Variants in ESD observed in about 807,000 individuals in gnomAD.
ESD encodes esterase D.
A neutral mutation model predicts 38.1 loss-of-function variants in ESD; 34 were observed. That is an observed-to-expected ratio of 0.89 (90% confidence interval 0.68 to 1.19). ESD has a LOEUF of 1.19. Ranked by LOEUF, ESD falls within the 50% of genes most tolerant of loss-of-function variation. ESD has a pLI of 0.00. For synonymous variants in ESD, 97 were observed against 107.0 expected, an observed-to-expected ratio of 0.91 and a Z score of 0.58; for missense variants, 334 against 327.2, an observed-to-expected ratio of 1.02 and a Z score of -0.16.
intron 9 of ESD, chr13:46,775,704 G>A (rs1165354770): frequency 2.1e-6 from 1 of 468,306 alleles, no homozygotes; most frequent in Non-Finnish European, 4.4e-6. Context: ...TGGAAGTAAA[G>A]TGAATAGAAA....
rs755106554 is a variant in ESD, at chr13:46,777,506, T to G, written c.718A>C (p.Ile240Leu). 1 of 1,611,262 alleles carries G rather than the reference T, an allele frequency of 6.2e-7. No individual in the cohort carries two copies. Among genetic ancestry groups the G allele is most frequent in the South Asian group, 1.1e-5 (1 of 90,772 alleles). ...ATTTTCTTTTCTGTACAGGCAGCTA[T>G]GAAGTTATCAGGGAGTAACTGTCCA... is the stretch of plus-strand genomic sequence containing the variant. ...LDGQLLPDNF[I>L]AACTEKKIPV... The change falls in exon 9 of 10, where the codon ATA (isoleucine) becomes CTA (leucine). Residue 240 changes from isoleucine to leucine, a missense_variant. By Grantham distance (5) the Ile-to-Leu change is conservative. Transcript: ENST00000378720.
intron 7 of ESD, 122 bp from the exon 8 acceptor site, chr13:46,780,155 C>T: frequency 1.7e-6 from 1 of 583,784 alleles, no homozygotes; most frequent in Non-Finnish European, 2.8e-6. Context: ...TTCTGACTTG[C>T]CATGAAAACC....
chr13:46,781,415 T>G (rs947221513), intron 7 of ESD, 81 bp downstream of exon 7: 1 of 1,316,776 alleles, frequency 7.6e-7, no homozygotes, highest in African/African-American at 1.5e-5. Context: ...ACTAACAATA[T>G]TGTAATTTTA....
At chr13:46,792,810 G>C (rs935101986) in intron 2 of ESD, among the ~76,000 whole-genome samples, 12 of 152,026 alleles carry the variant, frequency 7.9e-5, no homozygotes, top group African/African-American at 2.6e-4. Flanking sequence ...TGAACTTATA[G>C]AGAGAGATAC....
Position 46,784,295 on chromosome 13 carries a change from A to G in ESD, c.213T>C (p.Ala71=). Residue 71 remains alanine, a synonymous_variant, in exon 5 of 10, where the codon GCT becomes GCC. Coordinates refer to ENST00000378720, the MANE Select transcript of ESD (RefSeq NM_001984.2). ...CAATGACAACAAGACCATGTTCTGA[A>G]GCAGACTGATGATAACCAGATTTTG... ...FISKSGYHQS[A]SEHGLVVIAP... 6.2e-7 allele frequency: 1 copy of G among 1,611,964 alleles called. No individual in the cohort carries two copies. Among genetic ancestry groups the G allele is most frequent in the Non-Finnish European group, 8.5e-7 (1 of 1,178,908 alleles).
At position 46,771,438 on chromosome 13, in the gene ESD, T is replaced by C; in HGVS notation, c.827A>G (p.His276Arg). 1 of 1,606,032 alleles carries C rather than the reference T, an allele frequency of 6.2e-7. No individual in the cohort carries two copies. Among genetic ancestry groups the C allele is most frequent in the Non-Finnish European group, 8.5e-7 (1 of 1,174,144 alleles). The change falls in exon 10 of 10, where the codon CAT becomes CGT. Residue 276 changes from histidine (H) to arginine (R), a missense_variant. Transcript: ENST00000378720. ...TTTTCATGCATTCAGGTATTTAGCA[T>C]GATGTCTGATGTGGTCAGTAATAAA... ...ATFITDHIRHHAKYLNA is the reference protein window; with the variant it reads ...ATFITDHIRHRAKYLNA
chr13:46,797,273 G>T (rs1341749), upstream of ESD: 69,798 of 152,460 alleles, frequency 0.46, 16,270 homozygotes, highest in Middle Eastern at 0.49. Context: ...AGTCTCCATG[G>T]CCCCGCCGCC....
Position 46,783,515 on chromosome 13 carries a change from C to T in ESD, c.257-724G>A, listed in dbSNP as rs9590992. Reference sequence around the variant, plus strand: ...GCATTTTCCCATTTATTAAAGTCTTCGTTTATGATAACAAAATTTTAGTTT... The same window carrying T: ...GCATTTTCCCATTTATTAAAGTCTTTGTTTATGATAACAAAATTTTAGTTT... On this transcript the variant is annotated intron_variant, in intron 5 of 9. Coordinates refer to ENST00000378720, the MANE Select transcript of ESD (RefSeq NM_001984.2). Among the ~76,000 whole-genome samples the T allele has an allele frequency of 6.1e-3, 914 of 151,054 alleles. 9 individuals are homozygous for T. The highest frequency in any genetic ancestry group is 0.021 in the African/African-American group (880 of 41,046).
intron 8 of ESD, among the ~76,000 whole-genome samples, chr13:46,778,760 A>AAGG (rs1206882043): frequency 1.3e-5 from 2 of 151,816 alleles, no homozygotes; most frequent in Non-Finnish European, 2.9e-5. Context: ...CAAAGGACCT[A>AAGG]ATCCTAAATC....
In ESD at chr13:46,777,625, T is replaced by A. The variant is rs369240543; in HGVS notation, c.601-2A>T. The A allele has an allele frequency of 7.7e-5, 122 of 1,591,528 alleles. 2 individuals are homozygous for A. The South Asian group carries it at 9.0e-4, about 12-fold the overall frequency. ...CACAAGGTGGGTAGCATCATAAGCC[T>A]GTAAAAAGAGAAGTAACATTGAAAA... is the stretch of plus-strand genomic sequence containing the variant. On this transcript the variant is annotated splice_acceptor_variant, in intron 8 of 9. Coordinates refer to ENST00000378720, the MANE Select transcript of ESD (RefSeq NM_001984.2). LOFTEE classifies it high-confidence loss of function.
Position 46,782,342 on chromosome 13 carries a change from T to C in ESD, c.381+325A>G, listed in dbSNP as rs1875032682. 2.0e-5 allele frequency among the ~76,000 whole-genome samples: 3 copies of C among 151,896 alleles called. No individual in the cohort carries two copies. In the South Asian group the frequency reaches 6.2e-4, roughly 31 times the overall value. On this transcript the variant is annotated intron_variant, in intron 6 of 9. Coordinates refer to ENST00000378720, the MANE Select transcript of ESD (RefSeq NM_001984.2). Reference sequence around the variant, plus strand: ...AATAGAGGTAATGCTTTACCACTTATGTTTTCTAACTAAGCCTTGGCTTAT... The same window carrying C: ...AATAGAGGTAATGCTTTACCACTTACGTTTTCTAACTAAGCCTTGGCTTAT...
At chr13:46,783,255 T>G (rs994640859) in intron 5 of ESD, among the ~76,000 whole-genome samples, 2 of 151,982 alleles carry the variant, frequency 1.3e-5, no homozygotes, top group African/African-American at 4.8e-5. Context: ...GTGCTCAACT[T>G]ACTATCTTGA....
chr13:46,778,434 T>A (rs1375739151), intron 8 of ESD, among the ~76,000 whole-genome samples: 2 of 151,842 alleles, frequency 1.3e-5, no homozygotes, highest in Non-Finnish European at 2.9e-5. Context: ...AATTCTATGA[T>A]TTCATAATTC....
chr13:46,781,652 A>G (rs963351190), intron 6 of ESD, 37 bp from the exon 7 acceptor site: 1 of 1,570,878 alleles, frequency 6.4e-7, no homozygotes, highest in Non-Finnish European at 8.7e-7. Context: ...AAGATATCAA[A>G]GAAAATAAGT....
In ESD at chr13:46,791,689, C is replaced by A. The variant is rs907336405; in HGVS notation, c.-7-269G>T. 2.6e-5 allele frequency among the ~76,000 whole-genome samples: 4 copies of A among 151,808 alleles called. No homozygotes were observed. The South Asian group carries it at 8.3e-4, about 32-fold the overall frequency. On this transcript the variant is annotated intron_variant, in intron 2 of 9. Transcript: ENST00000378720. ...AAGTTTTTTCGTTGTGGTGGACTGC[C>A]CCAAATTATTTTTAAAAGAGGCAGA...
At chr13:46,780,054 T>G in intron 7 of ESD, 21 bp from the exon 8 acceptor site, 1 of 1,505,078 alleles carries the variant, frequency 6.6e-7, no homozygotes. Context: ...AAAAGAAATT[T>G]AAAAACAAGT....
At chr13:46,778,820 G>T (rs1659738683) in intron 8 of ESD, among the ~76,000 whole-genome samples, 1 of 151,734 alleles carries the variant, frequency 6.6e-6, no homozygotes, top group Non-Finnish European at 1.5e-5. Flanking sequence ...AAACAAAACT[G>T]TAATCTAGTT....
chr13:46,786,404 C>A (rs572619923), intron 4 of ESD, among the ~76,000 whole-genome samples: 1 of 152,080 alleles, frequency 6.6e-6, no homozygotes, highest in African/African-American at 2.4e-5. Flanking sequence ...CTTATGTTTG[C>A]TTCTGAAGAT....
chr13:46,782,994 C>T (rs1354849359), intron 5 of ESD, among the ~76,000 whole-genome samples: 1 of 151,866 alleles, frequency 6.6e-6, no homozygotes, highest in East Asian at 1.9e-4. Flanking sequence ...TCGTTCTGGC[C>T]AATGAGGTAA....
Sources: gnomAD v4.1 joint callset for allele counts (sites outside exome capture counted in the v4.1 genomes callset) on GRCh38, gnomAD v4.1.1 for gene constraint, MANE v1.5 for transcripts, NCBI Gene and HGNC (gene_info 2026-07-23, HGNC 2026-07-21) for gene names.